TBC1D1: variants seen among roughly 807,000 people sequenced by gnomAD.
TBC1D1 encodes the protein TBC1 (tre-2/USP6, BUB2, cdc16) domain family, member 1.
In TBC1D1, 89 loss-of-function variants were observed where a neutral mutation model predicts 125.6. That is an observed-to-expected ratio of 0.71 (90% CI 0.60 to 0.85). TBC1D1 has a LOEUF of 0.85. TBC1D1 is among the 40% of genes least tolerant of loss of function. The pLI, the probability that TBC1D1 is intolerant of heterozygous loss-of-function variation, is 0.00. For missense variants in TBC1D1, 1,377 were observed against 1,469.2 expected, an observed-to-expected ratio of 0.94 and a Z score of 1.03; for synonymous variants, 565 against 564.1, an observed-to-expected ratio of 1.00 and a Z score of -0.02.
At chr4:38,017,011 A>G (rs1742883831) in intron 3 of TBC1D1, among the ~76,000 whole-genome samples, 2 of 152,042 alleles carry the variant, frequency 1.3e-5, no homozygotes, top group Non-Finnish European at 1.5e-5. Flanking sequence ...GAAGGGACAG[A>G]CATGCAGAAA....
Position 38,137,180 on chromosome 4 carries a change from C to G in TBC1D1, c.3352C>G (p.Leu1118Val). 1 of 1,613,468 alleles carries G rather than the reference C, an allele frequency of 6.2e-7. No individual in the cohort carries two copies. ...AAGCCTTGAGGCCACCATTGAGAAG[C>G]TCCTGAGCAGTGAGAGCAAGCTGAA... Residue 1118 changes from leucine (L) to valine (V), a missense_variant, in exon 20 of 20, where the codon CTC becomes GTC. Around this residue, in one of 3 missense-constraint regions of TBC1D1, gnomAD observed 543 missense variants for 613.5 expected, o/e 0.89. Coordinates refer to ENST00000261439, the MANE Select transcript of TBC1D1 (RefSeq NM_015173.4).
At chr4:37,945,403 C>T (rs1165157823) in intron 2 of TBC1D1, among the ~76,000 whole-genome samples, 1 of 151,236 alleles carries the variant, frequency 6.6e-6, no homozygotes, top group Non-Finnish European at 1.5e-5. Flanking sequence ...GTCCCAGCTA[C>T]TTGGGAGGCT....
rs570900716 is a variant in TBC1D1 at position 38,019,396 on chromosome 4, GAGA to G, written c.972+957_972+959del. On this transcript the variant is annotated intron_variant, in intron 4 of 19. Transcript: ENST00000261439. ...TAGCCTTATGCTTAACTTGCTACTG[GAGA>G]AGATTAATTGAGATGGCAAAGCATG... Among the ~76,000 whole-genome samples the G allele has an allele frequency of 3.9e-5, 6 of 152,254 alleles. No homozygotes were observed. The East Asian group carries it at 1.2e-3, about 29-fold the overall frequency.
rs765650319 is a variant in TBC1D1, at chr4:38,051,878, C to A, written c.1910+1980C>A. ...CCCCTCTCCTGCTAACCCCCCCGTG[C>A]TTTCTCTGATTGCTGTTTAGTGTGG... On this transcript the variant is annotated intron_variant, in intron 11 of 19. Coordinates refer to ENST00000261439, the MANE Select transcript of TBC1D1 (RefSeq NM_015173.4). The A allele has an allele frequency of 8.6e-4, 1,328 of 1,544,262 alleles. 1 individual carries two copies. The highest frequency in any genetic ancestry group is 1.1e-3 in the Non-Finnish European group (1,230 of 1,142,902).
At chr4:37,919,732 T>C (rs1720521474) in intron 2 of TBC1D1, among the ~76,000 whole-genome samples, 1 of 152,210 alleles carries the variant, frequency 6.6e-6, no homozygotes, top group African/African-American at 2.4e-5. Flanking sequence ...GTGCTGATAG[T>C]TAAAAGTAAA....
In TBC1D1 at chr4:37,945,699, T is replaced by C. The variant is rs112476656; in HGVS notation, c.417+43187T>C. 4.7e-3 allele frequency among the ~76,000 whole-genome samples: 716 copies of C among 152,274 alleles called. 8 individuals are homozygous for C. Among genetic ancestry groups the C allele is most frequent in the African/African-American group, 0.016 (676 of 41,562 alleles). On this transcript the variant is annotated intron_variant, in intron 2 of 19. Coordinates refer to ENST00000261439, the MANE Select transcript of TBC1D1 (RefSeq NM_015173.4). ...TACACAGAAGTGAGCAGATCAGATATGCTTATAACATCCAGGATTCCCATA... is the reference window on the plus strand; with the variant it reads ...TACACAGAAGTGAGCAGATCAGATACGCTTATAACATCCAGGATTCCCATA...
intron 1 of TBC1D1, among the ~76,000 whole-genome samples, chr4:37,900,581 T>C (rs1484080181): frequency 6.6e-6 from 1 of 151,728 alleles, no homozygotes; most frequent in Non-Finnish European, 1.5e-5. Context: ...CTTCATGGAG[T>C]TTCACCTTAG....
intron 2 of TBC1D1, among the ~76,000 whole-genome samples, chr4:38,000,218 T>C (rs752797625): frequency 3.3e-5 from 5 of 152,144 alleles, no homozygotes; most frequent in Non-Finnish European, 4.4e-5. Flanking sequence ...GTGGTGGTGG[T>C]GATTGTATTT....
chr4:37,993,457 A>G (rs528765132), intron 2 of TBC1D1, among the ~76,000 whole-genome samples: 4 of 152,300 alleles, frequency 2.6e-5, no homozygotes, highest in Admixed American at 2.0e-4. Flanking sequence ...TACAATTCCC[A>G]CTTGGTAGAT....
chr4:38,054,905 G>C (rs1319071624), intron 12 of TBC1D1: 1 of 150,394 alleles, frequency 6.6e-6, no homozygotes, highest in Non-Finnish European at 1.5e-5. Context: ...AGCACACGGG[G>C]GTTGTGGGGG....
chr4:38,122,173 G>A (rs955748479), intron 17 of TBC1D1, among the ~76,000 whole-genome samples: 15 of 152,172 alleles, frequency 9.9e-5, no homozygotes, highest in Admixed American at 9.2e-4. Flanking sequence ...ATCAATCAGC[G>A]TAGTCTCCAA....
At chr4:37,897,282 C>T (rs1042920175) in intron 1 of TBC1D1, among the ~76,000 whole-genome samples, 5 of 152,092 alleles carry the variant, frequency 3.3e-5, no homozygotes, top group African/African-American at 1.2e-4. Context: ...AACCAAATCC[C>T]TAATATTATT....
At chr4:38,052,109 GT>G (rs1260743706) in intron 11 of TBC1D1, 49 bp downstream of exon 12, 2 of 1,538,092 alleles carry the variant, frequency 1.3e-6, no homozygotes, top group Admixed American at 3.9e-5. Context: ...TTCCTGGGGA[GT>G]TCACACTGAT....
chr4:37,998,723 C>G (rs13140144), intron 2 of TBC1D1, among the ~76,000 whole-genome samples: 45,713 of 152,082 alleles, frequency 0.3, 7,033 homozygotes, highest in East Asian at 0.4. Flanking sequence ...ATGAGGGTGT[C>G]TTCTTCAGAG....
At chr4:38,109,776 G>A (rs1469492363) in intron 15 of TBC1D1, among the ~76,000 whole-genome samples, 5 of 152,312 alleles carry the variant, frequency 3.3e-5, no homozygotes, top group Middle Eastern at 3.4e-3. Flanking sequence ...GACTGATACT[G>A]GGCAACTGAT....
chr4:37,918,978 G>A (rs1307242874), intron 2 of TBC1D1, among the ~76,000 whole-genome samples: 1 of 151,632 alleles, frequency 6.6e-6, no homozygotes, highest in Non-Finnish European at 1.5e-5. Context: ...TCCTTCTAAG[G>A]TTTTAGATGA....
intron 1 of TBC1D1, among the ~76,000 whole-genome samples, chr4:37,895,634 G>A (rs1714397572): frequency 6.6e-6 from 1 of 152,194 alleles, no homozygotes. Flanking sequence ...AACCCAGGGG[G>A]CGGAGGATGC....
intron 2 of TBC1D1, among the ~76,000 whole-genome samples, chr4:37,916,568 G>T (rs917274431): frequency 6.6e-6 from 1 of 152,040 alleles, no homozygotes; most frequent in African/African-American, 2.4e-5. Flanking sequence ...AGCCAGGATG[G>T]GCTGAAAGTG....
intron 8 of TBC1D1, among the ~76,000 whole-genome samples, chr4:38,037,800 A>C (rs1016291520): frequency 6.6e-6 from 1 of 152,194 alleles, no homozygotes; most frequent in Admixed American, 6.5e-5. Context: ...AGACCAAAAG[A>C]ATAGTGCTGG....
Sources: gnomAD v4.1 joint callset for allele counts (sites outside exome capture counted in the v4.1 genomes callset) on GRCh38, gnomAD v4.1.1 for gene constraint, gnomAD v4.1.1 regional missense constraint, MANE v1.5 for transcripts, NCBI Gene and HGNC (gene_info 2026-07-23, HGNC 2026-07-21) for gene names.